Variants in DOCK4 observed in about 807,000 individuals in gnomAD.
The protein encoded by DOCK4 is dedicator of cytokinesis 4.
Under a neutral mutation model 268.1 loss-of-function variants are expected in DOCK4, and 97 were observed. The observed-to-expected ratio is 0.36, with a 90% CI of 0.31 to 0.43. DOCK4 has a LOEUF of 0.43. Ranked by LOEUF, DOCK4 falls within the 20% of genes least tolerant of loss-of-function variation. The pLI is 1.00. For synonymous variants in DOCK4, 954 were observed against 887.2 expected, an observed-to-expected ratio of 1.08 and a Z score of -1.34; for missense variants, 2,145 against 2,455.7, an observed-to-expected ratio of 0.87 and a Z score of 2.67.
At chr7:111,823,743 T>C (rs1158464202) in intron 26 of DOCK4, among the ~76,000 whole-genome samples, 1 of 152,186 alleles carries the variant, frequency 6.6e-6, no homozygotes, top group African/African-American at 2.4e-5. Context: ...ACAATCTGAT[T>C]GAAGATAACG....
chr7:111,802,954 T>C lies in DOCK4; in HGVS notation c.3166+5867A>G, dbSNP rs1231414558. Among the ~76,000 whole-genome samples, 9 of 152,322 alleles carry C rather than the reference T, an allele frequency of 5.9e-5. No individual in the cohort carries two copies. In the East Asian group the frequency reaches 1.7e-3, roughly 29 times the overall value. On this transcript the variant is annotated intron_variant, in intron 30 of 52. Transcript: ENST00000428084. ...TACATCTGTAAGCATCTTTAACAGATAGGACATTTTACAAATATAGAACCC... is the reference window on the plus strand; with the variant it reads ...TACATCTGTAAGCATCTTTAACAGACAGGACATTTTACAAATATAGAACCC...
At chr7:112,050,079 C>G (rs925635116) in intron 1 of DOCK4, among the ~76,000 whole-genome samples, 1 of 152,146 alleles carries the variant, frequency 6.6e-6, no homozygotes, top group Non-Finnish European at 1.5e-5. Flanking sequence ...TGATACAGAG[C>G]AGACACTCAA....
intron 22 of DOCK4, 69 bp from the exon 23 acceptor site, chr7:111,863,633 T>C: frequency 6.9e-7 from 1 of 1,449,706 alleles, no homozygotes; most frequent in Non-Finnish European, 9.2e-7. Flanking sequence ...AAAACGTCAG[T>C]GAGTTTAAGG....
chr7:111,792,479 C>T (rs994009693), intron 30 of DOCK4, among the ~76,000 whole-genome samples: 1 of 152,020 alleles, frequency 6.6e-6, no homozygotes. Context: ...GCCTCCCAGG[C>T]TCAAGTGATT....
intron 1 of DOCK4, among the ~76,000 whole-genome samples, chr7:112,158,348 T>C (rs1422771033): frequency 6.6e-6 from 1 of 152,236 alleles, no homozygotes; most frequent in African/African-American, 2.4e-5. Context: ...TTCCAATAAA[T>C]ACTTTTTGAA....
At position 111,857,737 on chromosome 7, in the gene DOCK4, GCTATCACGCCCTAAA is replaced by G. The variant is rs559086728; in HGVS notation, c.2473+5620_2473+5634del. The stretch of plus-strand genomic sequence containing the variant: ...CGGCAGACCCTGTTCCTGACCTCTC[GCTATCACGCCCTAAA>G]CTATGTCTCTGCTACCCGCTACACT... On this transcript the variant is annotated intron_variant, in intron 23 of 52. Coordinates refer to ENST00000428084, the MANE Select transcript of DOCK4 (RefSeq NM_001363540.2). Among the ~76,000 whole-genome samples the G allele has an allele frequency of 2.1e-3, 319 of 152,182 alleles. 3 individuals are homozygous for G. In the South Asian group the frequency reaches 0.023, roughly 11 times the overall value.
intron 43 of DOCK4, among the ~76,000 whole-genome samples, chr7:111,746,814 C>CTTTTT (rs59197701): frequency 9.0e-6 from 1 of 110,914 alleles, no homozygotes; most frequent in East Asian, 2.7e-4. Flanking sequence ...TCGGTCTTAT[C>CTTTTT]TTTTTTTTTT....
At chr7:111,990,624 C>T (rs1799445517) in intron 5 of DOCK4, among the ~76,000 whole-genome samples, 1 of 152,172 alleles carries the variant, frequency 6.6e-6, no homozygotes, top group African/African-American at 2.4e-5. Flanking sequence ...CTCCAGGATG[C>T]CATCCCTGAT....
chr7:112,172,228 A>G (rs377398603), intron 1 of DOCK4, among the ~76,000 whole-genome samples: 1 of 152,250 alleles, frequency 6.6e-6, no homozygotes, highest in African/African-American at 2.4e-5. Flanking sequence ...CTTAATAGCA[A>G]TTTGGGGAAA....
At chr7:112,048,520 G>A (rs1227684880) in intron 1 of DOCK4, among the ~76,000 whole-genome samples, 1 of 150,854 alleles carries the variant, frequency 6.6e-6, no homozygotes, top group African/African-American at 2.4e-5. Context: ...CCAAGATCAA[G>A]CCATTGCACT....
chr7:112,143,657 C>T (rs1815142421), intron 1 of DOCK4, among the ~76,000 whole-genome samples: 2 of 152,156 alleles, frequency 1.3e-5, no homozygotes, highest in Admixed American at 1.3e-4. Flanking sequence ...CTTTGTCTTC[C>T]TGTTCTTTCC....
intron 1 of DOCK4, among the ~76,000 whole-genome samples, chr7:112,093,621 G>T (rs1173609333): frequency 6.6e-6 from 1 of 152,068 alleles, no homozygotes; most frequent in Admixed American, 6.6e-5. Context: ...TTTTAAATGA[G>T]AAATGCTGCA....
At chr7:111,859,562 A>ATTTTTTTTTTTTTTTTTTT (rs140285833) in intron 23 of DOCK4, among the ~76,000 whole-genome samples, 1 of 102,178 alleles carries the variant, frequency 9.8e-6, no homozygotes, top group Non-Finnish European at 1.8e-5. Context: ...GTGTGTGTTA[A>ATTTTTTTTTTTTTTTTTTT]TTTTTTTTTT....
intron 30 of DOCK4, among the ~76,000 whole-genome samples, chr7:111,803,684 C>T (rs1371299551): frequency 2.0e-5 from 3 of 152,124 alleles, no homozygotes; most frequent in African/African-American, 4.8e-5. Context: ...TAACCTTTTT[C>T]TCTGTTCTTG....
At chr7:112,099,810 T>G (rs1810511894) in intron 1 of DOCK4, among the ~76,000 whole-genome samples, 1 of 152,202 alleles carries the variant, frequency 6.6e-6, no homozygotes, top group East Asian at 1.9e-4. Flanking sequence ...TATAAATATA[T>G]TTGATGGTAT....
chr7:111,808,065 G>A (rs915878725), intron 30 of DOCK4: 3 of 152,092 alleles, frequency 2.0e-5, no homozygotes, highest in East Asian at 1.9e-4. Flanking sequence ...AGGTCATTAC[G>A]TATTCAACTC....
intron 36 of DOCK4, 83 bp from the exon 37 acceptor site, chr7:111,769,760 G>A: frequency 8.9e-6 from 13 of 1,464,852 alleles, no homozygotes; most frequent in South Asian, 2.7e-5. Flanking sequence ...CGACAAACTG[G>A]GGAAAAAAAA....
intron 1 of DOCK4, among the ~76,000 whole-genome samples, chr7:112,021,291 A>G (rs1173549524): frequency 1.3e-5 from 2 of 152,244 alleles, no homozygotes; most frequent in African/African-American, 4.8e-5. Flanking sequence ...TTTTATATAG[A>G]TGAGGTAAAT....
chr7:111,938,960 C>T (rs377402421), intron 11 of DOCK4, among the ~76,000 whole-genome samples: 10 of 133,374 alleles, frequency 7.5e-5, no homozygotes, highest in African/African-American at 2.3e-4. Context: ...GGTGACAGAG[C>T]GAGACTCTGT....
Sources: gnomAD v4.1 joint callset for allele counts (sites outside exome capture counted in the v4.1 genomes callset) on GRCh38, gnomAD v4.1.1 for gene constraint, MANE v1.5 for transcripts, NCBI Gene and HGNC (gene_info 2026-07-23, HGNC 2026-07-21) for gene names.